Variants in MCOLN3 observed in about 807,000 individuals in gnomAD.
MCOLN3 encodes mucolipin-3.
A neutral mutation model predicts 69.4 loss-of-function variants in MCOLN3; 62 were observed. That is an observed-to-expected ratio of 0.89 (90% CI 0.73 to 1.10). The LOEUF (loss-of-function observed/expected upper bound fraction) is 1.10. Ranked by LOEUF, MCOLN3 falls within the 50% of genes least tolerant of loss-of-function variation. The probability of loss-of-function intolerance (pLI) is 0.00; values close to 1 mark genes in which losing one functional copy is unlikely to be tolerated. For synonymous variants in MCOLN3, 183 were observed against 217.0 expected, an observed-to-expected ratio of 0.84 and a Z score of 1.38; for missense variants, 564 against 656.4, an observed-to-expected ratio of 0.86 and a Z score of 1.54.
chr1:85,025,257 G>T (rs1200422515), intron 9 of MCOLN3: 1 of 152,058 alleles, frequency 6.6e-6, no homozygotes, highest in African/African-American at 2.4e-5. Flanking sequence ...TTGCATTTGG[G>T]GTCTCTGCCC....
intron 2 of MCOLN3, among the ~76,000 whole-genome samples, chr1:85,044,630 C>T (rs1247981395): frequency 6.6e-6 from 1 of 152,218 alleles, no homozygotes; most frequent in Non-Finnish European, 1.5e-5. Context: ...CTGTGTTTCA[C>T]TAGCTCCTGC....
At position 85,045,264 on chromosome 1, in the gene MCOLN3, G is replaced by A; in HGVS notation, c.97C>T (p.Leu33=). The change falls in exon 2 of 13, where the codon CTA becomes TTA. Residue 33 remains leucine, a synonymous_variant. Coordinates refer to ENST00000370589, the MANE Select transcript of MCOLN3 (RefSeq NM_018298.11). ...TTTCGCCTCATCTGGTCTTCTAATA[G>A]AAGCTCCTCAGATGGAGATGTTTGC... The part of the protein sequence containing the change: ...NQQTSPSEEL[L]LEDQMRRKLK... 6.2e-7 allele frequency: 1 copy of A among 1,614,094 alleles called. No homozygotes were observed. The highest frequency in any genetic ancestry group is 1.1e-5 in the South Asian group (1 of 91,078).
chr1:85,042,304 A>AT (rs767317637), intron 2 of MCOLN3, among the ~76,000 whole-genome samples: 247 of 152,232 alleles, frequency 1.6e-3, no homozygotes, highest in Non-Finnish European at 3.1e-3. Flanking sequence ...CCACCCTGTC[A>AT]TGCTACACAA....
chr1:85,031,954 T>G (rs1214451644), intron 6 of MCOLN3, among the ~76,000 whole-genome samples: 1 of 151,308 alleles, frequency 6.6e-6, no homozygotes. Flanking sequence ...CGGACGCCTG[T>G]GGTCCCAGCT....
At chr1:85,034,923 C>T (rs1192130602) in intron 3 of MCOLN3, among the ~76,000 whole-genome samples, 1 of 152,176 alleles carries the variant, frequency 6.6e-6, no homozygotes, top group Non-Finnish European at 1.5e-5. Context: ...GTCATTCTGT[C>T]ACTCTTGAAA....
Position 85,026,006 on chromosome 1 carries a change from A to T in MCOLN3, c.1028T>A (p.Ile343Asn). 1 of 1,600,500 alleles carries T rather than the reference A, an allele frequency of 6.2e-7. No homozygotes were observed. The highest frequency in any genetic ancestry group is 8.5e-7 in the Non-Finnish European group (1 of 1,172,986). The change falls in exon 9 of 13, where the codon ATT becomes AAT. Residue 343 changes from isoleucine (I) to asparagine (N), a missense_variant. Physicochemically the swap from Ile to Asn is moderately radical, Grantham distance 149. Coordinates refer to ENST00000370589, the MANE Select transcript of MCOLN3 (RefSeq NM_018298.11). ...DQMEFVNGWY[I>N]MIIISDILTI... is the part of the protein sequence containing the mutation. ...CAATATGTCACTAATAATAATCATA[A>T]TGTACCATCCATTGACAAATTCCAT...
chr1:85,027,192 CTTCTA>C (rs1357064672), intron 7 of MCOLN3, among the ~76,000 whole-genome samples: 1 of 152,200 alleles, frequency 6.6e-6, no homozygotes, highest in Non-Finnish European at 1.5e-5. Context: ...ATCTGTGGAA[CTTCTA>C]TTCTACTACA....
At chr1:85,045,486 C>T in intron 1 of MCOLN3, 124 bp from the exon 2 acceptor site, 2 of 703,284 alleles carry the variant, frequency 2.8e-6, no homozygotes, top group South Asian at 4.2e-5. Flanking sequence ...AAATAAGCAC[C>T]ATTGCTCTAA....
At position 85,045,135 on chromosome 1, in the gene MCOLN3, G is replaced by A; in HGVS notation, c.226C>T (p.Gln76Ter). ...QILKIAMVTI[Q>*]LVLFGLSNQM... ...AACTCATGATCTGAGATGCTTACCT[G>A]GATAGTCACCATTGCAATTTTTAGA... is the stretch of plus-strand genomic sequence containing the variant. The change falls in exon 2 of 13, where the codon CAG becomes TAG. Residue 76 changes from glutamine to a stop codon, truncating the protein, a stop_gained and splice_region_variant. Transcript: ENST00000370589. LOFTEE classifies it high-confidence loss of function. 3 of 1,611,640 alleles carry A rather than the reference G, an allele frequency of 1.9e-6. No individual in the cohort carries two copies. The highest frequency in any genetic ancestry group is 2.5e-6 in the Non-Finnish European group (3 of 1,178,302).
intron 3 of MCOLN3, 123 bp downstream of exon 3, chr1:85,040,887 T>C (rs1480921963): frequency 1.1e-6 from 1 of 892,644 alleles, no homozygotes; most frequent in Non-Finnish European, 1.7e-6. Flanking sequence ...ATTTTGTATG[T>C]GTCATTTCCA....
At position 85,041,009 on chromosome 1, in the gene MCOLN3, C is replaced by T. The variant is rs747360320; in HGVS notation, c.396+1G>A. 1 of 1,612,714 alleles carries T rather than the reference C, an allele frequency of 6.2e-7. No individual in the cohort carries two copies. The highest frequency in any genetic ancestry group is 2.2e-5 in the East Asian group (1 of 44,812). On this transcript the variant is annotated splice_donor_variant, in intron 3 of 12. Coordinates refer to ENST00000370589, the MANE Select transcript of MCOLN3 (RefSeq NM_018298.11). LOFTEE classifies it high-confidence loss of function. ...GTAAATAATGCACACACTTGATTTA[C>T]CTGGTTTACTGCGAAGATTAACTGA...
At chr1:85,027,311 A>T (rs1652271220) in intron 7 of MCOLN3, among the ~76,000 whole-genome samples, 1 of 152,246 alleles carries the variant, frequency 6.6e-6, no homozygotes, top group South Asian at 2.1e-4. Context: ...TTCTTGCCAA[A>T]CATAGCTCTA....
intron 11 of MCOLN3, 74 bp from the exon 12 acceptor site, chr1:85,021,350 T>A: frequency 8.0e-7 from 1 of 1,252,298 alleles, no homozygotes; most frequent in African/African-American, 1.5e-5. Context: ...CATGACATTG[T>A]ATTAAACATA....
rs1246075013 is a variant in MCOLN3 at position 85,018,381 on chromosome 1, T to C, written c.*742A>G. 6.6e-6 allele frequency: 1 copy of C among 152,242 alleles called. No individual in the cohort carries two copies. Among genetic ancestry groups the C allele is most frequent in the Non-Finnish European group, 1.5e-5 (1 of 68,044 alleles). The allele number at this position is 152,242 out of a possible 1,614,324, so 9.4% of individuals were successfully genotyped here. A position where few individuals can be genotyped will look rare whatever the true frequency, so the allele number is the denominator to read the frequency against. On this transcript the variant is annotated 3_prime_UTR_variant, in exon 13 of 13. Coordinates refer to ENST00000370589, the MANE Select transcript of MCOLN3 (RefSeq NM_018298.11). ...TACTTACCATTGTGTTACAATTGCC[T>C]ACTGTATTCAATACAGTAACATGTT...
chr1:85,044,044 C>A (rs1248639926), intron 2 of MCOLN3, among the ~76,000 whole-genome samples: 1 of 152,056 alleles, frequency 6.6e-6, no homozygotes, highest in East Asian at 1.9e-4. Context: ...ATGAGCCACC[C>A]TGCCTGGCCA....
Position 85,044,370 on chromosome 1 carries a change from T to A in MCOLN3, c.228+763A>T, listed in dbSNP as rs1653233476. Among the ~76,000 whole-genome samples the A allele has an allele frequency of 2.0e-5, 3 of 152,176 alleles. No homozygotes were observed. The South Asian group carries it at 6.2e-4, about 32-fold the overall frequency. ...ATTTACTTAGGCATTTTTCACCAAC[T>A]TAGGAAGAGTAAGTAATAATAAAAA... is the stretch of plus-strand genomic sequence containing the variant. On this transcript the variant is annotated intron_variant, in intron 2 of 12. Coordinates refer to ENST00000370589, the MANE Select transcript of MCOLN3 (RefSeq NM_018298.11).
At position 85,040,993 on chromosome 1, in the gene MCOLN3, G is replaced by A. The variant is rs748669209; in HGVS notation, c.396+17C>T. ...CTGTTCTTTTTCCCAAGTAAATAAT[G>A]CACACACTTGATTTACCTGGTTTAC... is the stretch of plus-strand genomic sequence containing the variant. On this transcript the variant is annotated intron_variant, in intron 3 of 12. Coordinates refer to ENST00000370589, the MANE Select transcript of MCOLN3 (RefSeq NM_018298.11). The A allele has an allele frequency of 1.9e-6, 3 of 1,610,334 alleles. No homozygotes were observed. The highest frequency in any genetic ancestry group is 1.7e-5 in the Admixed American group (1 of 59,450).
rs1193715482 is a variant in MCOLN3 at position 85,041,136 on chromosome 1, G to A, written c.270C>T (p.Phe90=). 6.2e-7 allele frequency: 1 copy of A among 1,613,764 alleles called. No homozygotes were observed. The highest frequency in any genetic ancestry group is 8.5e-7 in the Non-Finnish European group (1 of 1,179,968). The stretch of plus-strand genomic sequence containing the variant: ...TGAATGCTATAGTATTCTCTTCCTT[G>A]AAAGCTACCACCATCTGGTTACTTA... ...FGLSNQMVVA[F]KEENTIAFKH... is the part of the protein sequence containing the mutation. The change falls in exon 3 of 13, where the codon TTC becomes TTT. Residue 90 remains phenylalanine (F), a synonymous_variant. Transcript: ENST00000370589.
intron 9 of MCOLN3, 54 bp downstream of exon 9, chr1:85,025,885 T>G (rs1358888475): frequency 4.0e-6 from 6 of 1,485,424 alleles, no homozygotes; most frequent in Non-Finnish European, 5.5e-6. Flanking sequence ...GAAAAATACA[T>G]TACCATTAGT....
Sources: gnomAD v4.1 joint callset for allele counts (sites outside exome capture counted in the v4.1 genomes callset) on GRCh38, gnomAD v4.1.1 for gene constraint, MANE v1.5 for transcripts, NCBI Gene and HGNC (gene_info 2026-07-23, HGNC 2026-07-21) for gene names.